CDH11: variants seen among roughly 807,000 people sequenced by gnomAD.
CDH11 encodes the protein cadherin-11.
CDH11 carries 11 observed loss-of-function variants against 67.8 expected under a neutral mutation model. That is an observed-to-expected ratio of 0.16 (90% confidence interval 0.10 to 0.27). CDH11 has a LOEUF of 0.27. Among genes scored for constraint, CDH11 ranks in the 10% least tolerant of loss-of-function variants. The probability of loss-of-function intolerance (pLI) is 1.00; values close to 1 mark genes in which losing one functional copy is unlikely to be tolerated. For synonymous variants in CDH11, 419 were observed against 400.0 expected (o/e 1.05, Z -0.57); for missense variants, 847 against 1,031.2 (o/e 0.82, Z 2.45).
At chr16:65,076,298 G>C (rs1021405987) in intron 1 of CDH11, among the ~76,000 whole-genome samples, 18 of 152,208 alleles carry the variant, frequency 1.2e-4, no homozygotes, top group Admixed American at 2.0e-4. Flanking sequence ...AACTGCCTTT[G>C]CTTCTTTGGT....
chr16:65,105,393 A>G (rs867314733), intron 1 of CDH11, among the ~76,000 whole-genome samples: 8 of 152,126 alleles, frequency 5.3e-5, no homozygotes, highest in Admixed American at 1.3e-4. Context: ...GATCTAGCCT[A>G]CTGGATAACC....
At chr16:65,084,255 A>G (rs548905775) in intron 1 of CDH11, among the ~76,000 whole-genome samples, 136 of 152,294 alleles carry the variant, frequency 8.9e-4, no homozygotes, top group African/African-American at 3.1e-3. Context: ...TTGGGAGGCC[A>G]CGGTGGGAGG....
intron 1 of CDH11, among the ~76,000 whole-genome samples, chr16:65,068,413 G>GAAAAAAAAAAA (rs57968272): frequency 1.0e-5 from 1 of 100,186 alleles, no homozygotes; most frequent in Non-Finnish European, 2.0e-5. Context: ...TATGACTACA[G>GAAAAAAAAAAA]AAAAAAAAAA....
chr16:65,034,616 A>T (rs1347301981), intron 2 of CDH11, among the ~76,000 whole-genome samples: 1 of 152,220 alleles, frequency 6.6e-6, no homozygotes, highest in Non-Finnish European at 1.5e-5. Context: ...GGATTAAATC[A>T]GATAATTCTT....
rs116751733 is a variant in CDH11, at chr16:65,039,151, C to T, written c.-173+14653G>A. Among the ~76,000 whole-genome samples, 998 of 152,278 alleles carry T rather than the reference C, an allele frequency of 6.6e-3. 14 individuals carry two copies. Among genetic ancestry groups the T allele is most frequent in the African/African-American group, 0.022 (926 of 41,548 alleles). ...TTCGCCTCTGTAGAATGCGCACTTG[C>T]CTCCTTCCTTGCCATATGAAGCAAG... On this transcript the variant is annotated intron_variant, in intron 2 of 12. Coordinates refer to ENST00000268603, the MANE Select transcript of CDH11 (RefSeq NM_001797.4).
intron 2 of CDH11, among the ~76,000 whole-genome samples, chr16:65,045,328 A>AATATAT (rs1182728954): frequency 6.5e-5 from 3 of 46,106 alleles, no homozygotes; most frequent in Admixed American, 3.8e-4. Flanking sequence ...TTCCCTCAAA[A>AATATAT]GTATATATAT....
rs1232259022 is a variant in CDH11 at position 64,947,353 on chromosome 16, T to C, written c.*250A>G. ...ACTTCTCCTTCACTTAAATATTTTG[T>C]ATGCCAAGTGTTTTTTTTTTCTAGC... On this transcript the variant is annotated 3_prime_UTR_variant, in exon 13 of 13. Coordinates refer to ENST00000268603, the MANE Select transcript of CDH11 (RefSeq NM_001797.4). The C allele has an allele frequency of 4.7e-6, 6 of 1,265,426 alleles. No individual in the cohort carries two copies. The highest frequency in any genetic ancestry group is 6.0e-6 in the Non-Finnish European group (6 of 1,003,472). 78.4% of individuals were successfully genotyped at this position (1,265,426 alleles called of 1,614,324 possible). A position where few individuals can be genotyped will look rare whatever the true frequency, so the allele number is the denominator to read the frequency against.
intron 11 of CDH11, among the ~76,000 whole-genome samples, chr16:64,966,195 T>C (rs1244786667): frequency 6.6e-6 from 1 of 151,954 alleles, no homozygotes; most frequent in Non-Finnish European, 1.5e-5. Flanking sequence ...GATACAAAAA[T>C]GAAGAAAACT....
At chr16:65,099,064 C>A (rs971892494) in intron 1 of CDH11, among the ~76,000 whole-genome samples, 1 of 152,084 alleles carries the variant, frequency 6.6e-6, no homozygotes, top group Non-Finnish European at 1.5e-5. Context: ...CACTTACTAA[C>A]CCTTTAATTC....
At chr16:65,057,300 C>T (rs770483162) in intron 1 of CDH11, among the ~76,000 whole-genome samples, 2 of 152,176 alleles carry the variant, frequency 1.3e-5, no homozygotes, top group Middle Eastern at 3.2e-3. Flanking sequence ...TACCTACTCT[C>T]GGGACTTCTC....
intron 1 of CDH11, among the ~76,000 whole-genome samples, chr16:65,103,862 T>C (rs1405779564): frequency 6.6e-6 from 1 of 152,196 alleles, no homozygotes; most frequent in Non-Finnish European, 1.5e-5. Flanking sequence ...ATTTATATTA[T>C]GTTATAATAT....
chr16:65,114,219 C>A (rs571801179), intron 1 of CDH11, among the ~76,000 whole-genome samples: 5 of 152,252 alleles, frequency 3.3e-5, no homozygotes, highest in African/African-American at 1.2e-4. Context: ...AAAAAACCTA[C>A]TGATAAGGGA....
At chr16:65,100,966 T>G (rs765264239) in intron 1 of CDH11, among the ~76,000 whole-genome samples, 3 of 152,142 alleles carry the variant, frequency 2.0e-5, no homozygotes, top group Non-Finnish European at 2.9e-5. Context: ...AAAATTTAAA[T>G]TTTTCATCCT....
At chr16:65,051,340 T>G (rs2074053089) in intron 2 of CDH11, among the ~76,000 whole-genome samples, 2 of 152,132 alleles carry the variant, frequency 1.3e-5, no homozygotes, top group Non-Finnish European at 2.9e-5. Context: ...GGGACTACCA[T>G]CTATTTAACA....
At chr16:64,992,669 G>C (rs1313799919) in intron 5 of CDH11, among the ~76,000 whole-genome samples, 1 of 152,214 alleles carries the variant, frequency 6.6e-6, no homozygotes, top group Non-Finnish European at 1.5e-5. Context: ...TATTAAAGTT[G>C]AGTTTTTAGA....
intron 2 of CDH11, among the ~76,000 whole-genome samples, chr16:65,025,359 CAG>C (rs1412272201): frequency 1.3e-5 from 2 of 152,090 alleles, no homozygotes; most frequent in African/African-American, 4.8e-5. Flanking sequence ...CTTTATGAGA[CAG>C]AGTCTCGCTC....
intron 6 of CDH11, among the ~76,000 whole-genome samples, chr16:64,989,395 G>A (rs192138934): frequency 2.0e-5 from 3 of 152,280 alleles, no homozygotes; most frequent in Admixed American, 1.3e-4. Context: ...TGGGTGATAA[G>A]CAGAAAGAGG....
intron 11 of CDH11, chr16:64,968,710 G>A (rs1196380270): frequency 5.9e-5 from 11 of 186,652 alleles, no homozygotes; most frequent in Non-Finnish European, 1.0e-4. Flanking sequence ...ATGGCATAAT[G>A]GAAGTAAACA....
intron 2 of CDH11, among the ~76,000 whole-genome samples, chr16:65,045,329 G>GTATATATATATATATATATATATA (rs57695452): frequency 1.6e-5 from 1 of 63,284 alleles, no homozygotes; most frequent in African/African-American, 6.3e-5. Context: ...TCCCTCAAAA[G>GTATATATATATATATATATATATA]TATATATATA....
Sources: allele counts gnomAD v4.1 joint callset (sites outside exome capture counted in the v4.1 genomes callset), GRCh38; gene constraint gnomAD v4.1.1; transcripts MANE v1.5; gene names NCBI Gene and HGNC (gene_info 2026-07-23, HGNC 2026-07-21).